Variants in SGCZ observed in about 807,000 individuals in gnomAD.
SGCZ encodes zeta-sarcoglycan.
SGCZ carries 40 observed loss-of-function variants against 41.3 expected under a neutral mutation model. The observed-to-expected ratio is 0.97, with a 90% CI of 0.75 to 1.26. The LOEUF (loss-of-function observed/expected upper bound fraction) is 1.26, where lower values mean the gene tolerates loss of function less well. Ranked by LOEUF, SGCZ falls within the 50% of genes most tolerant of loss-of-function variation. SGCZ has a pLI of 0.00. For synonymous variants in SGCZ, 206 were observed against 137.5 expected, an observed-to-expected ratio of 1.50 and a Z score of -3.49; for missense variants, 552 against 369.8, an observed-to-expected ratio of 1.49 and a Z score of -4.04.
chr8:14,559,281 G>A lies in SGCZ; in HGVS notation c.40-4355C>T, dbSNP rs530290323. ...AGAACTGATGAATGAATTCAGCAAA[G>A]TTTTAGGATACAAAACTAATGTACA... On this transcript the variant is annotated intron_variant, in intron 1 of 7. Coordinates refer to ENST00000382080, the MANE Select transcript of SGCZ (RefSeq NM_139167.4). Among the ~76,000 whole-genome samples the A allele has an allele frequency of 3.2e-4, 49 of 152,136 alleles. 3 individuals are homozygous for A. The South Asian group carries it at 1.0e-2, about 31-fold the overall frequency.
At chr8:14,095,576 G>A (rs4292192) in intron 7 of SGCZ, among the ~76,000 whole-genome samples, 7 of 152,218 alleles carry the variant, frequency 4.6e-5, no homozygotes, top group African/African-American at 1.7e-4. Context: ...GGATTGTCTT[G>A]GCTATGCAGG....
intron 2 of SGCZ, among the ~76,000 whole-genome samples, chr8:14,411,525 A>G (rs1182382994): frequency 1.3e-5 from 2 of 152,074 alleles, no homozygotes; most frequent in Non-Finnish European, 2.9e-5. Flanking sequence ...CTTGCTGCCT[A>G]CAGCATATAA....
intron 1 of SGCZ, among the ~76,000 whole-genome samples, chr8:15,010,568 T>C (rs1169530523): frequency 6.6e-6 from 1 of 152,186 alleles, no homozygotes; most frequent in East Asian, 1.9e-4. Flanking sequence ...AAAGCATGTG[T>C]CCCTAATCAT....
intron 1 of SGCZ, among the ~76,000 whole-genome samples, chr8:14,872,146 C>T (rs1159675277): frequency 1.3e-5 from 2 of 151,920 alleles, no homozygotes; most frequent in Non-Finnish European, 2.9e-5. Flanking sequence ...GGGAGGGGAA[C>T]ATCACACACC....
intron 4 of SGCZ, among the ~76,000 whole-genome samples, chr8:14,208,776 TA>T (rs1406501817): frequency 6.6e-6 from 1 of 152,202 alleles, no homozygotes; most frequent in Non-Finnish European, 1.5e-5. Flanking sequence ...GAAATAATCT[TA>T]TATTCACAAC....
At position 14,975,809 on chromosome 8, in the gene SGCZ, A is replaced by ATATGTGTG. The variant is rs1181919961; in HGVS notation, c.39+261775_39+261776insCACACATA. 4.7e-3 allele frequency among the ~76,000 whole-genome samples: 622 copies of ATATGTGTG among 131,866 alleles called. 2 individuals carry two copies. Among genetic ancestry groups the ATATGTGTG allele is most frequent in the African/African-American group, 0.02 (581 of 29,558 alleles). The allele number at this position is 131,866 out of a possible 152,430, so 86.5% of individuals were successfully genotyped here. A position where few individuals can be genotyped will look rare whatever the true frequency, so the allele number is the denominator to read the frequency against. On this transcript the variant is annotated intron_variant, in intron 1 of 7. Transcript: ENST00000382080. ...CACTTTTATATATATATATATATAT[A>ATATGTGTG]TGTGTGTGTGTGTGTAGAAATAGTT...
At chr8:14,684,164 T>C (rs1808533575) in intron 1 of SGCZ, among the ~76,000 whole-genome samples, 1 of 152,212 alleles carries the variant, frequency 6.6e-6, no homozygotes, top group African/African-American at 2.4e-5. Flanking sequence ...TGTTCATTTC[T>C]AACTAAATGA....
chr8:14,698,287 G>A (rs1243331149), intron 1 of SGCZ, among the ~76,000 whole-genome samples: 7 of 151,818 alleles, frequency 4.6e-5, no homozygotes, highest in Non-Finnish European at 7.4e-5. Flanking sequence ...TTAATATACT[G>A]ATCCCATTAG....
chr8:14,431,176 T>C (rs1322877969), intron 2 of SGCZ, among the ~76,000 whole-genome samples: 1 of 152,042 alleles, frequency 6.6e-6, no homozygotes, highest in African/African-American at 2.4e-5. Context: ...CTTCACATAA[T>C]GAGGAAAAAC....
At chr8:14,578,341 C>T (rs1365175810) in intron 1 of SGCZ, among the ~76,000 whole-genome samples, 1 of 152,160 alleles carries the variant, frequency 6.6e-6, no homozygotes, top group East Asian at 1.9e-4. Context: ...TTCTGGTGCC[C>T]ACCAGTTATC....
intron 1 of SGCZ, among the ~76,000 whole-genome samples, chr8:15,088,880 C>G (rs951451971): frequency 6.6e-6 from 1 of 152,070 alleles, no homozygotes; most frequent in African/African-American, 2.4e-5. Flanking sequence ...TTTGTTTTAG[C>G]TTTCCTTTTA....
chr8:14,217,119 A>C (rs1386082052), intron 4 of SGCZ, among the ~76,000 whole-genome samples: 1 of 151,928 alleles, frequency 6.6e-6, no homozygotes, highest in Non-Finnish European at 1.5e-5. Flanking sequence ...AACCCTGTCT[A>C]TACTAAAAAT....
At chr8:15,153,679 T>A (rs1279079117) in intron 1 of SGCZ, among the ~76,000 whole-genome samples, 1 of 152,102 alleles carries the variant, frequency 6.6e-6, no homozygotes, top group Non-Finnish European at 1.5e-5. Flanking sequence ...CTCTCTCTCT[T>A]GTCCCTGCTC....
intron 1 of SGCZ, among the ~76,000 whole-genome samples, chr8:14,894,444 G>C (rs1371691633): frequency 6.6e-6 from 1 of 152,112 alleles, no homozygotes; most frequent in Non-Finnish European, 1.5e-5. Context: ...TTACTTAAAA[G>C]AAATCTGTCA....
intron 1 of SGCZ, among the ~76,000 whole-genome samples, chr8:14,574,922 G>C (rs1585092824): frequency 6.6e-6 from 1 of 152,138 alleles, no homozygotes; most frequent in East Asian, 1.9e-4. Flanking sequence ...CTTCTTGAAA[G>C]TGAATACATC....
intron 1 of SGCZ, among the ~76,000 whole-genome samples, chr8:14,861,322 AT>A (rs1403475823): frequency 7.8e-4 from 119 of 152,150 alleles, no homozygotes; most frequent in Admixed American, 7.7e-3. Flanking sequence ...CCTTCCTGAA[AT>A]TGAAGGTAGC....
At chr8:14,492,471 C>G (rs1007267781) in intron 2 of SGCZ, among the ~76,000 whole-genome samples, 2 of 152,132 alleles carry the variant, frequency 1.3e-5, no homozygotes, top group African/African-American at 4.8e-5. Flanking sequence ...CCATTTTATA[C>G]TATTTCCTGT....
chr8:14,115,198 T>G (rs922518703), intron 5 of SGCZ, among the ~76,000 whole-genome samples: 3 of 151,968 alleles, frequency 2.0e-5, no homozygotes, highest in Admixed American at 6.6e-5. Context: ...ATAAAACCAG[T>G]AAGCAAATGA....
intron 6 of SGCZ, among the ~76,000 whole-genome samples, chr8:14,107,088 C>A (rs543814869): frequency 1.3e-5 from 2 of 151,886 alleles, no homozygotes; most frequent in African/African-American, 2.4e-5. Flanking sequence ...CAATGGCGGG[C>A]GCCTGTAGTC....
Sources: allele counts gnomAD v4.1 joint callset (sites outside exome capture counted in the v4.1 genomes callset), GRCh38; gene constraint gnomAD v4.1.1; transcripts MANE v1.5; gene names NCBI Gene and HGNC (gene_info 2026-07-23, HGNC 2026-07-21).